CELF2: variants seen among roughly 807,000 people sequenced by gnomAD.
The protein encoded by CELF2 is CUG triplet repeat RNA-binding protein 2.
In CELF2, 8 loss-of-function variants were observed where a neutral mutation model predicts 62.6. That is an observed-to-expected ratio of 0.13 (90% confidence interval 0.07 to 0.23). CELF2 has a LOEUF of 0.23. Among genes scored for constraint, CELF2 ranks in the 10% least tolerant of loss-of-function variants. The pLI, the probability that CELF2 is intolerant of heterozygous loss-of-function variation, is 1.00. For synonymous variants in CELF2, 258 were observed against 250.0 expected, an observed-to-expected ratio of 1.03 and a Z score of -0.30; for missense variants, 333 against 671.0, an observed-to-expected ratio of 0.50 and a Z score of 5.56.
At chr10:10,967,372 C>A (rs552554752) in intron 2 of CELF2, among the ~76,000 whole-genome samples, 1 of 152,326 alleles carries the variant, frequency 6.6e-6, no homozygotes, top group South Asian at 2.1e-4. Flanking sequence ...AAGGAGGCCG[C>A]TTTAGACTAG....
At chr10:10,569,076 C>G in the CELF2 span, among the ~76,000 whole-genome samples, 2 of 152,118 alleles carry the variant, frequency 1.3e-5, no homozygotes, top group Admixed American at 1.3e-4. Flanking sequence ...AAAACTATGG[C>G]AGTGGAAGAA....
At chr10:11,288,397 A>G (rs1565790044) in intron 8 of CELF2, 21 bp from the exon 9 acceptor site, 1 of 1,612,724 alleles carries the variant, frequency 6.2e-7, no homozygotes, top group Non-Finnish European at 8.5e-7. Flanking sequence ...TGCTGAAAGT[A>G]ACTTTCTCTT....
chr10:10,998,547 A>G (rs1442369261), intron 2 of CELF2, among the ~76,000 whole-genome samples: 1 of 152,196 alleles, frequency 6.6e-6, no homozygotes, highest in African/African-American at 2.4e-5. Context: ...GGGGCCTTTA[A>G]TAGCTTCCAG....
intron 1 of CELF2, among the ~76,000 whole-genome samples, chr10:10,857,186 T>C (rs1372703514): frequency 6.6e-6 from 1 of 152,130 alleles, no homozygotes; most frequent in Non-Finnish European, 1.5e-5. Context: ...GCCTTGGTCG[T>C]TGACTGACTG....
chr10:11,107,047 A>G (rs2053683701), intron 1 of CELF2, among the ~76,000 whole-genome samples: 1 of 152,238 alleles, frequency 6.6e-6, no homozygotes, highest in Non-Finnish European at 1.5e-5. Flanking sequence ...CTGGGCTTAA[A>G]GCAAAAACAA....
chr10:11,235,162 C>CA (rs1040793664), intron 3 of CELF2, among the ~76,000 whole-genome samples: 19 of 146,416 alleles, frequency 1.3e-4, no homozygotes, highest in East Asian at 3.9e-4. Context: ...GACATAAAGA[C>CA]AAAAAAAACA....
chr10:10,926,971 C>T (rs891599283), intron 2 of CELF2: 5 of 152,316 alleles, frequency 3.3e-5, no homozygotes, highest in East Asian at 1.9e-4. Flanking sequence ...ATCAAGCCCT[C>T]CAGGTTTCCC....
intron 2 of CELF2, among the ~76,000 whole-genome samples, chr10:10,945,353 C>T (rs1412908223): frequency 6.6e-6 from 1 of 152,128 alleles, no homozygotes; most frequent in Non-Finnish European, 1.5e-5. Flanking sequence ...GCCCTGAGTA[C>T]CTGCTCTCGG....
chr10:10,657,380 A>G, the CELF2 span, among the ~76,000 whole-genome samples: 1 of 124,494 alleles, frequency 8.0e-6, no homozygotes, highest in Non-Finnish European at 1.8e-5. Context: ...CTAAAAGTAT[A>G]TATATTTAAA....
the CELF2 span, among the ~76,000 whole-genome samples, chr10:10,622,524 G>A: frequency 4.9e-4 from 74 of 151,998 alleles, no homozygotes; most frequent in Middle Eastern, 3.4e-3. Flanking sequence ...GAGCTGTGGT[G>A]TGCACCCACA....
chr10:11,025,207 ATGTG>A (rs372783836), intron 1 of CELF2, among the ~76,000 whole-genome samples: 31 of 141,248 alleles, frequency 2.2e-4, no homozygotes, highest in Middle Eastern at 3.5e-3. Flanking sequence ...ATATACATAT[ATGTG>A]TGTGTGTGTG....
At chr10:11,000,780 C>T (rs981561658), upstream of CELF2, among the ~76,000 whole-genome samples, 1 of 152,224 alleles carries the variant, frequency 6.6e-6, no homozygotes, top group African/African-American at 2.4e-5. Context: ...AATTGTGATA[C>T]TCGGGTCTTT....
At chr10:10,652,869 A>G in the CELF2 span, among the ~76,000 whole-genome samples, 1 of 152,152 alleles carries the variant, frequency 6.6e-6, no homozygotes, top group Admixed American at 6.5e-5. Context: ...TTCACACATA[A>G]CAATATTAAC....
intron 9 of CELF2, among the ~76,000 whole-genome samples, chr10:11,298,725 A>G (rs2093427804): frequency 6.6e-6 from 1 of 151,776 alleles, no homozygotes; most frequent in Non-Finnish European, 1.5e-5. Context: ...ATGTAAATGT[A>G]TACTGGTGCT....
At chr10:10,696,538 G>T in the CELF2 span, among the ~76,000 whole-genome samples, 1 of 151,840 alleles carries the variant, frequency 6.6e-6, no homozygotes, top group Non-Finnish European at 1.5e-5. Context: ...CACCCAGTTC[G>T]AGCTTCCCTG....
the CELF2 span, among the ~76,000 whole-genome samples, chr10:10,741,234 C>T: frequency 8.6e-5 from 13 of 152,044 alleles, no homozygotes; most frequent in East Asian, 5.8e-4. Flanking sequence ...AAAAACAGGC[C>T]GGGTGCGGTG....
intron 1 of CELF2, among the ~76,000 whole-genome samples, chr10:10,834,302 C>A (rs1339238983): frequency 6.6e-6 from 1 of 152,018 alleles, no homozygotes; most frequent in African/African-American, 2.4e-5. Flanking sequence ...CACACTGGGG[C>A]CTATCAGAGG....
At chr10:10,642,989 G>T in the CELF2 span, among the ~76,000 whole-genome samples, 1 of 152,256 alleles carries the variant, frequency 6.6e-6, no homozygotes, top group Non-Finnish European at 1.5e-5. Context: ...GTAAACAGCA[G>T]TTGGGAGAGT....
chr10:11,064,558 A>G (rs1313252489), intron 1 of CELF2, among the ~76,000 whole-genome samples: 1 of 152,140 alleles, frequency 6.6e-6, no homozygotes, highest in African/African-American at 2.4e-5. Context: ...ACCATAGTGA[A>G]CCCATCATTT....
Sources: allele counts gnomAD v4.1 joint callset (sites outside exome capture counted in the v4.1 genomes callset), GRCh38; gene constraint gnomAD v4.1.1; transcripts MANE v1.5; gene names NCBI Gene and HGNC (gene_info 2026-07-23, HGNC 2026-07-21).